GRIN2A: variants seen among roughly 807,000 people sequenced by gnomAD.
The protein encoded by GRIN2A is glutamate ionotropic receptor NMDA type subunit 2A, also known as glutamate receptor ionotropic, NMDA 2A.
In GRIN2A, 22 loss-of-function variants were observed where a neutral mutation model predicts 113.4. That is an observed-to-expected ratio of 0.19 (90% confidence interval 0.14 to 0.28). The LOEUF is 0.28. GRIN2A is among the 10% of genes least tolerant of loss of function. The pLI, the probability that GRIN2A is intolerant of heterozygous loss-of-function variation, is 1.00. For missense variants in GRIN2A, 1,502 were observed against 1,887.0 expected (o/e 0.80, Z 3.78); for synonymous variants, 827 against 738.4 (o/e 1.12, Z -1.94).
intron 2 of GRIN2A, among the ~76,000 whole-genome samples, chr16:10,100,336 A>C (rs2048369832): frequency 1.3e-5 from 2 of 152,252 alleles, no homozygotes. Flanking sequence ...AGCAAGAAGC[A>C]AAGATGCTTG....
chr16:9,842,919 T>A (rs555281936), intron 5 of GRIN2A, among the ~76,000 whole-genome samples: 15 of 148,610 alleles, frequency 1.0e-4, no homozygotes, highest in African/African-American at 3.5e-4. Flanking sequence ...TGACAGAATG[T>A]GACTCTGTCG....
intron 2 of GRIN2A, among the ~76,000 whole-genome samples, chr16:9,978,338 T>C (rs1677865963): frequency 6.6e-6 from 1 of 152,196 alleles, no homozygotes. Context: ...GGCAAGTCTT[T>C]TCACCTTGCT....
Position 9,773,279 on chromosome 16 carries a change from T to C in GRIN2A, c.2357-4190A>G, listed in dbSNP as rs192831771. Among the ~76,000 whole-genome samples, 28 of 152,256 alleles carry C rather than the reference T, an allele frequency of 1.8e-4. No homozygotes were observed. In the East Asian group the frequency reaches 5.2e-3, roughly 28 times the overall value. ...TTAGTGAGTTATTCTGCCATATAAATAGAAGGAATACAAAGCAAAGGGGAA... is the reference window on the plus strand; with the variant it reads ...TTAGTGAGTTATTCTGCCATATAAACAGAAGGAATACAAAGCAAAGGGGAA... On this transcript the variant is annotated intron_variant, in intron 11 of 12. Coordinates refer to ENST00000330684, the MANE Select transcript of GRIN2A (RefSeq NM_001134407.3).
chr16:10,074,766 T>A (rs762325450), intron 2 of GRIN2A, among the ~76,000 whole-genome samples: 6 of 152,204 alleles, frequency 3.9e-5, no homozygotes, highest in Non-Finnish European at 7.3e-5. Context: ...ATATGAGGTT[T>A]CTTTTTGTGG....
At chr16:9,871,296 G>T (rs1273721045) in intron 4 of GRIN2A, among the ~76,000 whole-genome samples, 2 of 152,064 alleles carry the variant, frequency 1.3e-5, no homozygotes, top group African/African-American at 4.8e-5. Flanking sequence ...TTGCTTAACT[G>T]TATGTATTGC....
chr16:9,820,286 T>C (rs2042258003), intron 10 of GRIN2A, among the ~76,000 whole-genome samples: 1 of 152,138 alleles, frequency 6.6e-6, no homozygotes, highest in Non-Finnish European at 1.5e-5. Context: ...GCATGGTCTG[T>C]CCAAAACAAC....
rs559676781 is a variant in GRIN2A at position 10,052,462 on chromosome 16, G to C, written c.415-113911C>G. On this transcript the variant is annotated intron_variant, in intron 2 of 12. Transcript: ENST00000330684. The stretch of plus-strand genomic sequence containing the variant: ...ATGCACTGAACTTCCAACAGGAACG[G>C]TCAAGTCCCCAAGACCTAGGCCCTG... 9.9e-4 allele frequency among the ~76,000 whole-genome samples: 151 copies of C among 152,308 alleles called. 2 individuals carry two copies. The highest frequency in any genetic ancestry group is 3.6e-3 in the African/African-American group (149 of 41,566).
intron 2 of GRIN2A, among the ~76,000 whole-genome samples, chr16:10,134,741 G>T (rs1356377968): frequency 6.6e-6 from 1 of 152,052 alleles, no homozygotes; most frequent in Non-Finnish European, 1.5e-5. Context: ...AAAACCTTAT[G>T]GGTCTCCTGA....
intron 3 of GRIN2A, among the ~76,000 whole-genome samples, chr16:9,919,512 T>G (rs566339037): frequency 1.3e-5 from 2 of 152,120 alleles, no homozygotes; most frequent in African/African-American, 2.4e-5. Context: ...AAGGCCTGCA[T>G]GGTAAGGAGA....
chr16:9,831,496 G>GTT (rs55979702), intron 8 of GRIN2A, among the ~76,000 whole-genome samples: 3 of 137,222 alleles, frequency 2.2e-5, no homozygotes, highest in Non-Finnish European at 4.7e-5. Context: ...CCCTGCCATT[G>GTT]TTTTTTTTTT....
chr16:10,137,973 G>A (rs553727005), intron 2 of GRIN2A, among the ~76,000 whole-genome samples: 1 of 152,306 alleles, frequency 6.6e-6, no homozygotes, highest in African/African-American at 2.4e-5. Context: ...ATGACAGAAA[G>A]AACCTTGGGC....
intron 4 of GRIN2A, among the ~76,000 whole-genome samples, chr16:9,880,502 T>C (rs74008855): frequency 0.02 from 3,095 of 152,256 alleles, 108 homozygotes; most frequent in African/African-American, 0.07. Flanking sequence ...ATCTCCTTGT[T>C]GAGTAATTCA....
intron 2 of GRIN2A, among the ~76,000 whole-genome samples, chr16:10,041,112 T>G (rs1484048511): frequency 6.6e-6 from 1 of 152,250 alleles, no homozygotes; most frequent in African/African-American, 2.4e-5. Context: ...GTCTTTTTAC[T>G]TTAATGAATC....
At chr16:9,955,303 C>T (rs1198515739) in intron 2 of GRIN2A, among the ~76,000 whole-genome samples, 1 of 152,210 alleles carries the variant, frequency 6.6e-6, no homozygotes, top group Non-Finnish European at 1.5e-5. Context: ...CTTGTGTCCA[C>T]CACAGAGACT....
intron 2 of GRIN2A, among the ~76,000 whole-genome samples, chr16:10,179,094 T>C (rs1012238533): frequency 2.6e-5 from 4 of 152,126 alleles, no homozygotes; most frequent in Admixed American, 2.6e-4. Flanking sequence ...AACATCGCCT[T>C]CAAATCTTCA....
intron 2 of GRIN2A, among the ~76,000 whole-genome samples, chr16:10,107,183 C>A (rs1395036474): frequency 6.6e-6 from 1 of 152,210 alleles, no homozygotes; most frequent in Non-Finnish European, 1.5e-5. Context: ...CAGGGAAGTT[C>A]TTTCTGTATT....
At chr16:10,166,053 A>G (rs1056287899) in intron 2 of GRIN2A, among the ~76,000 whole-genome samples, 1 of 152,168 alleles carries the variant, frequency 6.6e-6, no homozygotes, top group Non-Finnish European at 1.5e-5. Flanking sequence ...TACTCACCCA[A>G]GTCAGTTAAT....
intron 2 of GRIN2A, among the ~76,000 whole-genome samples, chr16:10,069,033 C>T (rs904612724): frequency 6.6e-6 from 1 of 152,010 alleles, no homozygotes; most frequent in Non-Finnish European, 1.5e-5. Context: ...GTAAGGACCC[C>T]GCAGTTCATG....
chr16:10,060,613 G>T (rs942644897), intron 2 of GRIN2A, among the ~76,000 whole-genome samples: 1 of 152,186 alleles, frequency 6.6e-6, no homozygotes, highest in Non-Finnish European at 1.5e-5. Flanking sequence ...TGTATCATTT[G>T]TTCCTGCAAG....
Sources: gnomAD v4.1 joint callset for allele counts (sites outside exome capture counted in the v4.1 genomes callset) on GRCh38, gnomAD v4.1.1 for gene constraint, MANE v1.5 for transcripts, NCBI Gene and HGNC (gene_info 2026-07-23, HGNC 2026-07-21) for gene names.